The following ESRP1 variants were observed in gnomAD, a reference collection of about 807,000 sequenced individuals.
ESRP1 encodes the protein RNA-binding motif protein 35A.
In ESRP1, 33 loss-of-function variants were observed where a neutral mutation model predicts 81.7. The ratio of observed to expected loss-of-function variants is 0.40; its 90% confidence interval spans 0.31 to 0.54. The LOEUF (loss-of-function observed/expected upper bound fraction) is 0.54, where lower values mean the gene tolerates loss of function less well. Ranked by LOEUF, ESRP1 falls within the 20% of genes least tolerant of loss-of-function variation. The pLI, the probability that ESRP1 is intolerant of heterozygous loss-of-function variation, is 0.41. For missense variants in ESRP1, 672 were observed against 833.1 expected (o/e 0.81, Z 2.38); for synonymous variants, 320 against 303.3 (o/e 1.06, Z -0.57).
At chr8:94,692,579 C>A (rs1809446280) in intron 13 of ESRP1, 98 bp from the exon 14 acceptor site, 1 of 1,308,026 alleles carries the variant, frequency 7.6e-7, no homozygotes, top group Non-Finnish European at 1.1e-6. Context: ...AGAAAGGTTG[C>A]CTTGAGAAAT....
intron 11 of ESRP1, 24 bp downstream of exon 11, chr8:94,671,695 A>C (rs1469658321): frequency 6.3e-7 from 1 of 1,590,050 alleles, no homozygotes; most frequent in Non-Finnish European, 8.6e-7. Flanking sequence ...TTAGTGGAAA[A>C]CTTATTTGCT....
At chr8:94,702,160 G>T (rs1809866727) in intron 15 of ESRP1, among the ~76,000 whole-genome samples, 1 of 152,144 alleles carries the variant, frequency 6.6e-6, no homozygotes, top group African/African-American at 2.4e-5. Flanking sequence ...GGGACATAGG[G>T]TTTTTTTGTG....
rs375581483 is a variant in ESRP1 at position 94,676,136 on chromosome 8, G to A, written c.1651+1630G>A. On this transcript the variant is annotated intron_variant, in intron 12 of 15. Coordinates refer to ENST00000433389, the MANE Select transcript of ESRP1 (RefSeq NM_017697.4). Reference sequence around the variant, plus strand: ...CACCTGTAATCCCAGCACTTTAGGAGGCTGAGGCAGGTGGATCACATAAGG... The same window carrying A: ...CACCTGTAATCCCAGCACTTTAGGAAGCTGAGGCAGGTGGATCACATAAGG... Among the ~76,000 whole-genome samples the A allele has an allele frequency of 1.1e-4, 17 of 152,268 alleles. No individual in the cohort carries two copies. The East Asian group carries it at 2.3e-3, about 21-fold the overall frequency.
rs1808707093 is a variant in ESRP1, at chr8:94,677,872, C to G, written c.1652-331C>G. Reference sequence around the variant, plus strand: ...TTAAACATCAGTTCCTTGTTTCTTTCCTCTGAGAGTTGGTTTGTAGTAACT... The same window carrying G: ...TTAAACATCAGTTCCTTGTTTCTTTGCTCTGAGAGTTGGTTTGTAGTAACT... On this transcript the variant is annotated intron_variant, in intron 12 of 15. Coordinates refer to ENST00000433389, the MANE Select transcript of ESRP1 (RefSeq NM_017697.4). Among the ~76,000 whole-genome samples, 3 of 152,056 alleles carry G rather than the reference C, an allele frequency of 2.0e-5. No homozygotes were observed. The South Asian group carries it at 6.2e-4, about 32-fold the overall frequency.
chr8:94,695,612 G>T (rs141166921), intron 14 of ESRP1, among the ~76,000 whole-genome samples: 1 of 149,898 alleles, frequency 6.7e-6, no homozygotes, highest in African/African-American at 2.5e-5. Flanking sequence ...ACCCGCCTGC[G>T]TTGGCATCCC....
chr8:94,665,622 G>T (rs1319322989), intron 9 of ESRP1, among the ~76,000 whole-genome samples: 1 of 152,068 alleles, frequency 6.6e-6, no homozygotes, highest in Admixed American at 6.6e-5. Context: ...CTCCGTAGTG[G>T]CTGGGTTTAC....
At chr8:94,703,512 C>T (rs1355232813) in intron 15 of ESRP1, among the ~76,000 whole-genome samples, 2 of 152,092 alleles carry the variant, frequency 1.3e-5, no homozygotes, top group Non-Finnish European at 2.9e-5. Context: ...GAAGGCTAAA[C>T]GTTTAACTTT....
intron 9 of ESRP1, among the ~76,000 whole-genome samples, chr8:94,665,880 A>C (rs750717341): frequency 4.6e-5 from 7 of 152,092 alleles, no homozygotes; most frequent in Non-Finnish European, 1.0e-4. Flanking sequence ...TGTGCTTCTA[A>C]TTTTTCTCTA....
rs777514678 is a variant in ESRP1 at position 94,686,180 on chromosome 8, C to T, written c.1821-6497C>T. On this transcript the variant is annotated intron_variant, in intron 13 of 15. Transcript: ENST00000433389. ...CTGACCTCCAGTGATCCACCCGCCTCGGCCTCCCAAAGTGCTGGGATTACA... is the reference window on the plus strand; with the variant it reads ...CTGACCTCCAGTGATCCACCCGCCTTGGCCTCCCAAAGTGCTGGGATTACA... Among the ~76,000 whole-genome samples the T allele has an allele frequency of 7.2e-5, 11 of 152,272 alleles. No homozygotes were observed. In the South Asian group the frequency reaches 1.0e-3, roughly 14 times the overall value.
At chr8:94,701,590 T>C (rs1323713383) in intron 15 of ESRP1, among the ~76,000 whole-genome samples, 2 of 151,640 alleles carry the variant, frequency 1.3e-5, no homozygotes, top group South Asian at 2.1e-4. Flanking sequence ...GCTTTCTTCT[T>C]TTTCTTTTTC....
chr8:94,674,799 C>A (rs1291427766), intron 12 of ESRP1, among the ~76,000 whole-genome samples: 1 of 152,152 alleles, frequency 6.6e-6, no homozygotes, highest in African/African-American at 2.4e-5. Context: ...CTCTGGGAGG[C>A]AACCTGGCTA....
intron 4 of ESRP1, among the ~76,000 whole-genome samples, chr8:94,651,890 C>T (rs1818152298): frequency 1.3e-5 from 2 of 151,572 alleles, no homozygotes; most frequent in East Asian, 1.9e-4. Flanking sequence ...GTTTTATAGG[C>T]GTGAGCCGCC....
Position 94,668,832 on chromosome 8 carries a change from A to G in ESRP1, c.1233+582A>G, listed in dbSNP as rs528355347. Among the ~76,000 whole-genome samples, 5 of 89,534 alleles carry G rather than the reference A, an allele frequency of 5.6e-5. No individual in the cohort carries two copies. The East Asian group carries it at 2.0e-3, about 35-fold the overall frequency. The allele number at this position is 89,534 out of a possible 152,430, so 58.7% of individuals were successfully genotyped here. A position where few individuals can be genotyped will look rare whatever the true frequency, so the allele number is the denominator to read the frequency against. On this transcript the variant is annotated intron_variant, in intron 10 of 15. Transcript: ENST00000433389. ...GTTTGAGATGGGGTCTTGCTCTGTCACCCAGGCTGGAGTGCAGTGGCGCAA... is the reference window on the plus strand; with the variant it reads ...GTTTGAGATGGGGTCTTGCTCTGTCGCCCAGGCTGGAGTGCAGTGGCGCAA...
Position 94,641,309 on chromosome 8 carries a change from AC to A in ESRP1, c.-8del. ...CCCGACCCCCCCTCTCCCCCTCCCC[AC>A]CTATCGTCATGACGGCCTCTCCGGA... On this transcript the variant is annotated 5_prime_UTR_variant, in exon 1 of 16. Coordinates refer to ENST00000433389, the MANE Select transcript of ESRP1 (RefSeq NM_017697.4). The A allele has an allele frequency of 2.8e-6, 3 of 1,061,132 alleles. No homozygotes were observed. Among genetic ancestry groups the A allele is most frequent in the African/African-American group, 3.5e-5 (2 of 57,474 alleles). The allele number at this position is 1,061,132 out of a possible 1,614,324, so 65.7% of individuals were successfully genotyped here.
rs1238740355 is a variant in ESRP1, at chr8:94,682,928, A to AT, written c.1820+4558dup. ...TTTATATATATATATATATATATAT[A>AT]TATATTTTTTTTTTTTTTTTTTTTT... On this transcript the variant is annotated intron_variant, in intron 13 of 15. Transcript: ENST00000433389. 1.8e-3 allele frequency among the ~76,000 whole-genome samples: 58 copies of AT among 31,582 alleles called. 1 individual carries two copies. The highest frequency in any genetic ancestry group is 2.1e-3 in the Non-Finnish European group (40 of 19,370). 20.7% of individuals were successfully genotyped at this position (31,582 alleles called of 152,430 possible).
intron 3 of ESRP1, among the ~76,000 whole-genome samples, chr8:94,644,793 G>A (rs190658382): frequency 1.9e-3 from 284 of 152,242 alleles, no homozygotes; most frequent in African/African-American, 6.5e-3. Context: ...TATAGTGAAA[G>A]TAATTCTGTA....
chr8:94,696,723 T>C, intron 14 of ESRP1, 129 bp from the exon 15 acceptor site: 2 of 668,194 alleles, frequency 3.0e-6, no homozygotes, highest in Non-Finnish European at 5.1e-6. Flanking sequence ...GTATATGGCT[T>C]GTACCTGTGT....
At chr8:94,705,327 C>T (rs1026791470) in intron 15 of ESRP1, among the ~76,000 whole-genome samples, 5 of 151,896 alleles carry the variant, frequency 3.3e-5, no homozygotes, top group Admixed American at 3.3e-4. Context: ...ACCACTACGC[C>T]CAGCTAATTT....
chr8:94,642,072 A>G lies in ESRP1; in HGVS notation c.249A>G (p.Gln83=). 1 of 1,612,152 alleles carries G rather than the reference A, an allele frequency of 6.2e-7. No individual in the cohort carries two copies. The highest frequency in any genetic ancestry group is 8.5e-7 in the Non-Finnish European group (1 of 1,179,770). The change falls in exon 2 of 16, where the codon CAA becomes CAG. Residue 83 remains glutamine, a synonymous_variant. Coordinates refer to ENST00000433389, the MANE Select transcript of ESRP1 (RefSeq NM_017697.4). Reference sequence around the variant, plus strand: ...TGTCCTCGGCGTCGCAGCTGGACCAAGCCCTCCGACAGGTGACAACCCCGG... The same window carrying G: ...TGTCCTCGGCGTCGCAGCTGGACCAGGCCCTCCGACAGGTGACAACCCCGG... The part of the protein sequence containing the change: ...ESLSSASQLD[Q]ALRQFNQSVS...
Sources: allele counts gnomAD v4.1 joint callset (sites outside exome capture counted in the v4.1 genomes callset), GRCh38; gene constraint gnomAD v4.1.1; transcripts MANE v1.5; gene names NCBI Gene and HGNC (gene_info 2026-07-23, HGNC 2026-07-21).